The following LOC128092252 variants were observed in gnomAD, a reference collection of about 807,000 sequenced individuals.
At chr15:50,656,303 T>C in the LOC128092252 span, among the ~76,000 whole-genome samples, 1 of 151,970 alleles carries the variant, frequency 6.6e-6, no homozygotes, top group Non-Finnish European at 1.5e-5. Flanking sequence ...GTCTTTTTGT[T>C]TGTTTTTTTT....
the LOC128092252 span, among the ~76,000 whole-genome samples, chr15:50,666,430 G>C: frequency 6.6e-6 from 1 of 151,786 alleles, no homozygotes; most frequent in Non-Finnish European, 1.5e-5. Flanking sequence ...GACAGAATGA[G>C]AGAAGGGAGA....
the LOC128092252 span, among the ~76,000 whole-genome samples, chr15:50,669,704 G>A: frequency 6.6e-6 from 1 of 151,870 alleles, no homozygotes; most frequent in Non-Finnish European, 1.5e-5. Flanking sequence ...CTCATCAGTT[G>A]TTTGAGTTTT....
At chr15:50,672,991 G>GTTAT in the LOC128092252 span, among the ~76,000 whole-genome samples, 1 of 149,286 alleles carries the variant, frequency 6.7e-6, no homozygotes, top group Admixed American at 6.7e-5. Context: ...TATACGAAGT[G>GTTAT]TTATTACAAG....
the LOC128092252 span, among the ~76,000 whole-genome samples, chr15:50,668,200 A>G: frequency 6.6e-6 from 1 of 152,234 alleles, no homozygotes; most frequent in African/African-American, 2.4e-5. Flanking sequence ...TGGAGACTCT[A>G]ACATTAGAAT....
chr15:50,665,393 TAA>T, the LOC128092252 span, among the ~76,000 whole-genome samples: 97 of 135,728 alleles, frequency 7.1e-4, no homozygotes, highest in Middle Eastern at 3.7e-3. Context: ...AAACTCTGTC[TAA>T]AAAAAAAAAA....
At chr15:50,654,428 C>G in the LOC128092252 span, among the ~76,000 whole-genome samples, 1 of 150,826 alleles carries the variant, frequency 6.6e-6, no homozygotes, top group Non-Finnish European at 1.5e-5. Context: ...GCCTGGGCAA[C>G]AGAACAAGAC....
chr15:50,656,651 T>C, the LOC128092252 span, among the ~76,000 whole-genome samples: 1 of 152,096 alleles, frequency 6.6e-6, no homozygotes, highest in South Asian at 2.1e-4. Flanking sequence ...GGTTTTTTGT[T>C]TTTGTTTTTA....
the LOC128092252 span, among the ~76,000 whole-genome samples, chr15:50,652,061 G>A: frequency 5.9e-5 from 9 of 151,622 alleles, no homozygotes; most frequent in East Asian, 1.9e-4. Context: ...GGCCGGGTGC[G>A]GTGGCTCATG....
the LOC128092252 span, among the ~76,000 whole-genome samples, chr15:50,679,511 A>AATATATATATATATAT: frequency 2.7e-5 from 2 of 75,440 alleles, no homozygotes; most frequent in African/African-American, 1.4e-4. Context: ...GTATATATAT[A>AATATATATATATATAT]ATATATATAT....
the LOC128092252 span, among the ~76,000 whole-genome samples, chr15:50,679,595 G>A: frequency 7.1e-6 from 1 of 140,320 alleles, no homozygotes; most frequent in Non-Finnish European, 1.5e-5. Context: ...GGGTGCAGTG[G>A]CGCAATCTGG....
the LOC128092252 span, chr15:50,648,889 A>G: frequency 6.3e-7 from 1 of 1,597,972 alleles, no homozygotes; most frequent in Non-Finnish European, 8.5e-7. Context: ...AAAACACCTA[A>G]AAGAAAAAGG....
the LOC128092252 span, among the ~76,000 whole-genome samples, chr15:50,685,113 A>G: frequency 6.6e-6 from 1 of 152,250 alleles, no homozygotes; most frequent in African/African-American, 2.4e-5. Context: ...AAGCTGTTGA[A>G]ACTGGCCAAT....
the LOC128092252 span, among the ~76,000 whole-genome samples, chr15:50,651,829 G>T: frequency 6.6e-6 from 1 of 152,060 alleles, no homozygotes; most frequent in Non-Finnish European, 1.5e-5. Flanking sequence ...GGGGGTTGCA[G>T]TGAGCTGAGA....
At chr15:50,669,489 G>A in the LOC128092252 span, among the ~76,000 whole-genome samples, 3 of 152,014 alleles carry the variant, frequency 2.0e-5, no homozygotes, top group Non-Finnish European at 4.4e-5. Context: ...AAGTCTTATC[G>A]GAGATTCCTT....
chr15:50,682,371 A>T, the LOC128092252 span, among the ~76,000 whole-genome samples: 4 of 151,888 alleles, frequency 2.6e-5, no homozygotes, highest in South Asian at 8.3e-4. Context: ...TGAGGTCAAG[A>T]GATCGAGACC....
At chr15:50,682,173 C>CAAAAAAAAAAAAAAAAAAAAA in the LOC128092252 span, among the ~76,000 whole-genome samples, 24 of 63,662 alleles carry the variant, frequency 3.8e-4, no homozygotes, top group South Asian at 6.5e-4. Flanking sequence ...AACTCAGTCT[C>CAAAAAAAAAAAAAAAAAAAAA]AAAAAAAAAA....
At chr15:50,676,940 C>T in the LOC128092252 span, among the ~76,000 whole-genome samples, 1 of 152,146 alleles carries the variant, frequency 6.6e-6, no homozygotes, top group African/African-American at 2.4e-5. Context: ...GGCAGCCCAG[C>T]TAAATAAAAT....
chr15:50,684,297 G>A, the LOC128092252 span, among the ~76,000 whole-genome samples: 5 of 151,610 alleles, frequency 3.3e-5, no homozygotes, highest in African/African-American at 7.3e-5. Context: ...GGATTACCAC[G>A]CCCGATTACT....
At chr15:50,673,649 T>C in the LOC128092252 span, among the ~76,000 whole-genome samples, 53,033 of 151,984 alleles carry the variant, frequency 0.35, 10,443 homozygotes, top group Admixed American at 0.48. Context: ...TATATATATA[T>C]ACCACAGTTT....
Sources: gnomAD v4.1 joint callset for allele counts (sites outside exome capture counted in the v4.1 genomes callset) on GRCh38, gnomAD v4.1.1 for gene constraint, MANE v1.5 for transcripts.